The following RETREG2 variants were observed in gnomAD, a reference collection of about 807,000 sequenced individuals.
The protein encoded by RETREG2 is reticulophagy regulator 2.
Under a neutral mutation model 51.6 loss-of-function variants are expected in RETREG2, and 21 were observed. The observed-to-expected ratio is 0.41, with a 90% CI of 0.29 to 0.59. The LOEUF is 0.59. Ranked by LOEUF, RETREG2 falls within the 20% of genes least tolerant of loss-of-function variation. The pLI is 0.34. For synonymous variants in RETREG2, 339 were observed against 288.6 expected, an observed-to-expected ratio of 1.17 and a Z score of -1.77; for missense variants, 674 against 646.0, an observed-to-expected ratio of 1.04 and a Z score of -0.47.
At position 219,178,572 on chromosome 2, in the gene RETREG2, C is replaced by T; in HGVS notation, c.220C>T (p.Leu74=). The change falls in exon 1 of 9, where the codon CTG becomes TTG. Residue 74 remains leucine (L), a synonymous_variant. Coordinates refer to ENST00000430297, the MANE Select transcript of RETREG2 (RefSeq NM_024293.6). ...EAVLAAAQRL[L]VWEKPLHSLV... ...GGTGCTGGCGGCGGCGCAGCGGTTG[C>T]TGGTGTGGGAGAAGCCGCTGCACAG... is the stretch of plus-strand genomic sequence containing the variant. The T allele has an allele frequency of 1.4e-6, 2 of 1,459,086 alleles. No homozygotes were observed. The allele number at this position is 1,459,086 out of a possible 1,614,324, so 90.4% of individuals were successfully genotyped here. A position where few individuals can be genotyped will look rare whatever the true frequency, so the allele number is the denominator to read the frequency against.
intron 2 of RETREG2, 62 bp downstream of exon 2, chr2:219,179,090 G>T: frequency 5.4e-6 from 7 of 1,301,500 alleles, no homozygotes; most frequent in Non-Finnish European, 7.8e-6. Context: ...GATTCCGCTG[G>T]GTGGGGTTAA....
At chr2:219,178,801 T>TGAGTCGC in intron 1 of RETREG2, 121 bp from the exon 2 acceptor site, 2 of 1,132,496 alleles carry the variant, frequency 1.8e-6, no homozygotes, top group South Asian at 3.0e-5. Flanking sequence ...CTCTGAGTCG[T>TGAGTCGC]GAGTCGCGAG....
chr2:219,180,369 T>A, intron 4 of RETREG2, 124 bp downstream of exon 4: 1 of 1,301,090 alleles, frequency 7.7e-7, no homozygotes, highest in Non-Finnish European at 1.1e-6. Flanking sequence ...CTGGGCGCCT[T>A]CTTGAGGCAA....
chr2:219,179,643 G>A, intron 2 of RETREG2, 90 bp from the exon 3 acceptor site: 1 of 1,263,706 alleles, frequency 7.9e-7, no homozygotes, highest in South Asian at 1.2e-5. Context: ...GTGCTCTGGG[G>A]CTGCAGAGGA....
chr2:219,178,891 C>T (rs372335730), intron 1 of RETREG2, 31 bp from the exon 2 acceptor site: 24 of 1,500,616 alleles, frequency 1.6e-5, no homozygotes, highest in East Asian at 2.3e-5. Context: ...GTCTCACCCA[C>T]TCACTGCTGA....
chr2:219,179,618 T>C, intron 2 of RETREG2, 115 bp from the exon 3 acceptor site: 1 of 916,556 alleles, frequency 1.1e-6, no homozygotes, highest in Middle Eastern at 2.2e-4. Context: ...GCTCCCCCAT[T>C]GGCATCTGAA....
intron 7 of RETREG2, 83 bp from the exon 8 acceptor site, chr2:219,181,557 G>C: frequency 6.3e-7 from 1 of 1,598,536 alleles, no homozygotes; most frequent in Non-Finnish European, 8.6e-7. Context: ...GTGGAAGCCA[G>C]AGGTTTTGGG....
chr2:219,180,028 T>C, intron 3 of RETREG2, 82 bp from the exon 4 acceptor site: 1 of 1,556,578 alleles, frequency 6.4e-7, no homozygotes, highest in Non-Finnish European at 8.8e-7. Flanking sequence ...AGACTAAAGA[T>C]ATCTTTGGCA....
In RETREG2 at chr2:219,181,360, C is replaced by T. The variant is rs775971288; in HGVS notation, c.785-9C>T. 2 of 1,613,664 alleles carry T rather than the reference C, an allele frequency of 1.2e-6. No individual in the cohort carries two copies. The highest frequency in any genetic ancestry group is 2.2e-5 in the East Asian group (1 of 44,884). ...CTTGGTCATTGCTCTACTACTCTTGCTTTTCTAGAGCGTCAGGGGAAGAAT... is the reference window on the plus strand; with the variant it reads ...CTTGGTCATTGCTCTACTACTCTTGTTTTTCTAGAGCGTCAGGGGAAGAAT... On this transcript the variant is annotated splice_polypyrimidine_tract_variant and intron_variant, in intron 6 of 8. Coordinates refer to ENST00000430297, the MANE Select transcript of RETREG2 (RefSeq NM_024293.6).
rs1950315705 is a variant in RETREG2 at position 219,183,835 on chromosome 2, T to G, written c.*1206T>G. 6.6e-6 allele frequency: 1 copy of G among 152,230 alleles called. No individual in the cohort carries two copies. 9.4% of individuals were successfully genotyped at this position (152,230 alleles called of 1,614,324 possible). On this transcript the variant is annotated 3_prime_UTR_variant, in exon 9 of 9. Coordinates refer to ENST00000430297, the MANE Select transcript of RETREG2 (RefSeq NM_024293.6). Reference sequence around the variant, plus strand: ...CTTAAGAAGTCTTCACCCATCTACATGCTAACAACTCACTCAGCCTGGATT... The same window carrying G: ...CTTAAGAAGTCTTCACCCATCTACAGGCTAACAACTCACTCAGCCTGGATT...
chr2:219,181,507 G>GA (rs1559221552), intron 7 of RETREG2, 44 bp downstream of exon 7: 3 of 1,609,196 alleles, frequency 1.9e-6, no homozygotes, highest in South Asian at 1.1e-5. Flanking sequence ...AAAGCCAGAG[G>GA]AAAAATCTTT....
rs766001907 is a variant in RETREG2, at chr2:219,179,695, C to CTA, written c.389-37_389-36dup. The CTA allele has an allele frequency of 1.1e-5, 18 of 1,609,232 alleles. No individual in the cohort carries two copies. The Middle Eastern group carries it at 4.9e-4, about 44-fold the overall frequency. ...CCTTGGGGAGTGTCTCCCAGGGCCC[C>CTA]TACCACTCAATAATTTGCCCCCCTC... On this transcript the variant is annotated intron_variant, in intron 2 of 8. Coordinates refer to ENST00000430297, the MANE Select transcript of RETREG2 (RefSeq NM_024293.6).
intron 1 of RETREG2, 32 bp from the exon 2 acceptor site, chr2:219,178,890 A>ACTCACTGCTGAGGTGCCTGTCTCTCCCT (rs1485479378): frequency 2.3e-5 from 35 of 1,490,816 alleles, no homozygotes; most frequent in Admixed American, 3.4e-5. Flanking sequence ...TGTCTCACCC[A>ACTCACTGCTGAGGTGCCTGTCTCTCCCT]CTCACTGCTG....
Position 219,182,716 on chromosome 2 carries a change from G to A in RETREG2, c.*87G>A. The stretch of plus-strand genomic sequence containing the variant: ...TTCCTCCTTTGCCTACCACTCTGGG[G>A]TGGGGCAGTGTGTGGGGAAGCTGGC... On this transcript the variant is annotated 3_prime_UTR_variant, in exon 9 of 9. Coordinates refer to ENST00000430297, the MANE Select transcript of RETREG2 (RefSeq NM_024293.6). 1 of 1,502,114 alleles carries A rather than the reference G, an allele frequency of 6.7e-7. No individual in the cohort carries two copies. The highest frequency in any genetic ancestry group is 2.3e-5 in the East Asian group (1 of 43,736). 93.0% of individuals were successfully genotyped at this position (1,502,114 alleles called of 1,614,324 possible).
rs1261812978 is a variant in RETREG2 at position 219,182,911 on chromosome 2, C to T, written c.*282C>T. On this transcript the variant is annotated 3_prime_UTR_variant, in exon 9 of 9. Coordinates refer to ENST00000430297, the MANE Select transcript of RETREG2 (RefSeq NM_024293.6). ...CTTCCCACAGCCTGCGCTTGCCTCC[C>T]TGCCTCATCTCTATTCTCATTCCAC... 1.3e-5 allele frequency: 6 copies of T among 474,410 alleles called. No homozygotes were observed. Among genetic ancestry groups the T allele is most frequent in the Non-Finnish European group, 2.3e-5 (6 of 259,470 alleles). 29.4% of individuals were successfully genotyped at this position (474,410 alleles called of 1,614,324 possible).
In RETREG2 at chr2:219,182,745, C is replaced by A; in HGVS notation, c.*116C>A. On this transcript the variant is annotated 3_prime_UTR_variant, in exon 9 of 9. Coordinates refer to ENST00000430297, the MANE Select transcript of RETREG2 (RefSeq NM_024293.6). ...GGCAGTGTGTGGGGAAGCTGGCTGTCGGATGGTAGCTATTCCACCCTCTGC... is the reference window on the plus strand; with the variant it reads ...GGCAGTGTGTGGGGAAGCTGGCTGTAGGATGGTAGCTATTCCACCCTCTGC... The A allele has an allele frequency of 7.9e-7, 1 of 1,261,562 alleles. No individual in the cohort carries two copies. Among genetic ancestry groups the A allele is most frequent in the Non-Finnish European group, 1.1e-6 (1 of 912,856 alleles). 78.1% of individuals were successfully genotyped at this position (1,261,562 alleles called of 1,614,324 possible). A position where few individuals can be genotyped will look rare whatever the true frequency, so the allele number is the denominator to read the frequency against.
At chr2:219,181,591 G>T (rs375207573) in intron 7 of RETREG2, 49 bp from the exon 8 acceptor site, 362 of 1,606,100 alleles carry the variant, frequency 2.3e-4, no homozygotes, top group Non-Finnish European at 2.8e-4. Flanking sequence ...CTGATAAATT[G>T]GTTCTCTTAT....
chr2:219,179,106 G>C (rs1574781353), intron 2 of RETREG2, 78 bp downstream of exon 2: 18 of 1,092,616 alleles, frequency 1.6e-5, no homozygotes, highest in Non-Finnish European at 2.5e-5. Flanking sequence ...GTTAAGTGGC[G>C]AGGGGAACGT....
In RETREG2 at chr2:219,184,909, C is replaced by G. The variant is rs1262363225; in HGVS notation, c.*2280C>G. On this transcript the variant is annotated 3_prime_UTR_variant, in exon 9 of 9. Transcript: ENST00000430297. ...TGGTGCAGTCTTGGTTCACTGCAAC[C>G]TCTGCCTCCCAGGTTCAAACAATTC... 6.9e-6 allele frequency: 1 copy of G among 145,972 alleles called. No individual in the cohort carries two copies. Among genetic ancestry groups the G allele is most frequent in the Non-Finnish European group, 1.5e-5 (1 of 66,930 alleles). The allele number at this position is 145,972 out of a possible 1,614,324, so 9.0% of individuals were successfully genotyped here.
Sources: allele counts gnomAD v4.1 joint callset, GRCh38; gene constraint gnomAD v4.1.1; transcripts MANE v1.5; gene names NCBI Gene and HGNC (gene_info 2026-07-23, HGNC 2026-07-21).